The following IL1RL2 variants were observed in gnomAD, a reference collection of about 807,000 sequenced individuals.
IL1RL2 encodes interleukin 1 receptor like 2.
A neutral mutation model predicts 66.8 loss-of-function variants in IL1RL2; 68 were observed. The ratio of observed to expected loss-of-function variants is 1.02; its 90% CI spans 0.84 to 1.25. IL1RL2 has a LOEUF of 1.25. IL1RL2 is among the 50% of genes most tolerant of loss of function. IL1RL2 has a pLI of 0.00. For missense variants in IL1RL2, 729 were observed against 709.3 expected, an observed-to-expected ratio of 1.03 and a Z score of -0.32; for synonymous variants, 305 against 264.6, an observed-to-expected ratio of 1.15 and a Z score of -1.48.
intron 6 of IL1RL2, among the ~76,000 whole-genome samples, chr2:102,216,666 CTT>C (rs1424924586): frequency 6.6e-6 from 1 of 152,010 alleles, no homozygotes; most frequent in African/African-American, 2.4e-5. Flanking sequence ...TTCTTTCTCT[CTT>C]GTTTACTTTT....
At chr2:102,216,514 C>G (rs1051616365) in intron 6 of IL1RL2, among the ~76,000 whole-genome samples, 6 of 151,710 alleles carry the variant, frequency 4.0e-5, no homozygotes, top group African/African-American at 1.5e-4. Flanking sequence ...TTGTTTTTTT[C>G]TTTTAATCCA....
At chr2:102,218,866 A>G (rs2104829637) in intron 6 of IL1RL2, 87 bp from the exon 7 acceptor site, 1 of 1,142,346 alleles carries the variant, frequency 8.8e-7, no homozygotes, top group Non-Finnish European at 1.3e-6. Context: ...GAGGCTCGAG[A>G]GTACGATGCA....
intron 1 of IL1RL2, 194 bp downstream of exon 1, chr2:102,187,280 C>A (rs1686764825): frequency 8.5e-7 from 1 of 1,175,586 alleles, no homozygotes; most frequent in Non-Finnish European, 1.1e-6. Flanking sequence ...GTGGAGCTCG[C>A]GGCTATTTTC....
chr2:102,207,646 C>T (rs1052523501), intron 5 of IL1RL2, among the ~76,000 whole-genome samples: 8 of 152,116 alleles, frequency 5.3e-5, no homozygotes, highest in Non-Finnish European at 1.0e-4. Flanking sequence ...CCTCTCCTCT[C>T]CTTAAGCAGA....
At chr2:102,212,697 G>T (rs188138040) in intron 6 of IL1RL2, among the ~76,000 whole-genome samples, 1 of 152,252 alleles carries the variant, frequency 6.6e-6, no homozygotes, top group South Asian at 2.1e-4. Context: ...GGCCAGGCAC[G>T]GTGGCTCACG....
At chr2:102,186,991 G>A (rs1284469584), upstream of IL1RL2, 1 of 1,288,496 alleles carries the variant, frequency 7.8e-7, no homozygotes, top group East Asian at 5.6e-5. Flanking sequence ...CGGTGGCGGG[G>A]AAATACCTAG....
intron 9 of IL1RL2, among the ~76,000 whole-genome samples, chr2:102,230,792 G>A (rs979959680): frequency 1.3e-5 from 2 of 152,204 alleles, no homozygotes; most frequent in Non-Finnish European, 2.9e-5. Context: ...GTAAGAGATG[G>A]CCAAGAATGG....
Position 102,189,206 on chromosome 2 carries a change from C to T in IL1RL2, c.189C>T (p.Ile63=), listed in dbSNP as rs1432714331. 1 of 1,614,086 alleles carries T rather than the reference C, an allele frequency of 6.2e-7. No homozygotes were observed. Among genetic ancestry groups the T allele is most frequent in the Admixed American group, 1.7e-5 (1 of 60,028 alleles). ...SVTWYKNSSK[I]PVSKIIQSRI... Reference sequence around the variant, plus strand: ...CATGGTATAAAAATTCTAGCAAAATCCCAGTGTCCAAAATCATACAGTCTA... The same window carrying T: ...CATGGTATAAAAATTCTAGCAAAATTCCAGTGTCCAAAATCATACAGTCTA... Residue 63 remains isoleucine, a synonymous_variant, in exon 3 of 12, where the codon ATC becomes ATT. Transcript: ENST00000264257.
intron 9 of IL1RL2, among the ~76,000 whole-genome samples, chr2:102,231,408 G>T (rs552024430): frequency 2.2e-4 from 33 of 152,306 alleles, no homozygotes; most frequent in Admixed American, 2.0e-3. Context: ...TGAGGCAGGA[G>T]AATCGCTTGA....
At chr2:102,204,955 G>A (rs1688583417) in intron 5 of IL1RL2, among the ~76,000 whole-genome samples, 3 of 151,526 alleles carry the variant, frequency 2.0e-5, no homozygotes, top group Admixed American at 2.0e-4. Flanking sequence ...TCTTCTTTTA[G>A]TGAAGGTGAT....
In IL1RL2 at chr2:102,189,268, C is replaced by T. The variant is rs766445074; in HGVS notation, c.251C>T (p.Pro84Leu). The change falls in exon 3 of 12, where the codon CCC becomes CTC. Residue 84 changes from proline to leucine, a missense_variant. By Grantham distance (98) the Pro-to-Leu change is moderately conservative. Transcript: ENST00000264257. ...GACGAGACTTGGATTTTGTTTCTCCCCATGGAATGGGGGGACTCAGGAGTC... is the reference window on the plus strand; with the variant it reads ...GACGAGACTTGGATTTTGTTTCTCCTCATGGAATGGGGGGACTCAGGAGTC... The part of the protein sequence containing the change: ...HQDETWILFL[P>L]MEWGDSGVYQ... The T allele has an allele frequency of 6.2e-7, 1 of 1,613,590 alleles. No homozygotes were observed. Among genetic ancestry groups the T allele is most frequent in the Non-Finnish European group, 8.5e-7 (1 of 1,179,850 alleles).
intron 9 of IL1RL2, among the ~76,000 whole-genome samples, chr2:102,230,307 G>A (rs1485138837): frequency 6.6e-6 from 1 of 152,186 alleles, no homozygotes; most frequent in Non-Finnish European, 1.5e-5. Context: ...AAAGTCAAAT[G>A]TGTGCTATGA....
chr2:102,238,539 C>T (rs1232979841), intron 11 of IL1RL2, among the ~76,000 whole-genome samples: 8 of 152,232 alleles, frequency 5.3e-5, no homozygotes, highest in East Asian at 1.9e-4. Context: ...CTTCCTGCCA[C>T]GTCATGGTTG....
chr2:102,225,049 C>T (rs1221570565), intron 8 of IL1RL2, among the ~76,000 whole-genome samples: 2 of 152,250 alleles, frequency 1.3e-5, no homozygotes, highest in African/African-American at 4.8e-5. Flanking sequence ...CTCTCTCTTC[C>T]CCTTTTCTAA....
At chr2:102,242,034 CAT>C (rs1246844484), downstream of IL1RL2, among the ~76,000 whole-genome samples, 2 of 152,282 alleles carry the variant, frequency 1.3e-5, no homozygotes, top group East Asian at 3.9e-4. Flanking sequence ...TTCATGAAAA[CAT>C]AGAGCAGTTA....
At chr2:102,211,562 A>G (rs1258889728) in intron 5 of IL1RL2, among the ~76,000 whole-genome samples, 1 of 152,196 alleles carries the variant, frequency 6.6e-6, no homozygotes, top group Non-Finnish European at 1.5e-5. Flanking sequence ...ACCCATTCCC[A>G]CCAGTTCCCA....
chr2:102,205,646 C>T (rs1393283495), intron 5 of IL1RL2, among the ~76,000 whole-genome samples: 2 of 152,158 alleles, frequency 1.3e-5, no homozygotes, highest in Admixed American at 6.5e-5. Flanking sequence ...TTTTCTCTTG[C>T]TGCTTTTAGA....
At chr2:102,194,724 G>A (rs1176300917) in intron 4 of IL1RL2, among the ~76,000 whole-genome samples, 1 of 151,872 alleles carries the variant, frequency 6.6e-6, no homozygotes, top group Non-Finnish European at 1.5e-5. Context: ...GTGTGTGTGT[G>A]TAATTTTTTT....
At chr2:102,219,553 T>A (rs1278190471) in intron 7 of IL1RL2, among the ~76,000 whole-genome samples, 1 of 152,118 alleles carries the variant, frequency 6.6e-6, no homozygotes, top group African/African-American at 2.4e-5. Context: ...ATAAAACTAA[T>A]GAAGTCAGAG....
Sources: gnomAD v4.1 joint callset for allele counts (sites outside exome capture counted in the v4.1 genomes callset) on GRCh38, gnomAD v4.1.1 for gene constraint, MANE v1.5 for transcripts, NCBI Gene and HGNC (gene_info 2026-07-23, HGNC 2026-07-21) for gene names.